DERA: variants seen among roughly 807,000 people sequenced by gnomAD.
DERA encodes 2-deoxy-D-ribose 5-phosphate aldolase.
Under a neutral mutation model 41.1 loss-of-function variants are expected in DERA, and 15 were observed. That is an observed-to-expected ratio of 0.37 (90% CI 0.24 to 0.56). The LOEUF is 0.56. Among genes scored for constraint, DERA ranks in the 20% least tolerant of loss-of-function variants. The pLI, the probability that DERA is intolerant of heterozygous loss-of-function variation, is 0.81. For missense variants in DERA, 396 were observed against 403.4 expected (o/e 0.98, Z 0.16); for synonymous variants, 139 against 137.4 (o/e 1.01, Z -0.08).
chr12:15,960,651 A>AAC (rs1555152833), intron 4 of DERA, among the ~76,000 whole-genome samples: 17 of 151,228 alleles, frequency 1.1e-4, no homozygotes, highest in South Asian at 8.3e-4. Flanking sequence ...AAAAAAAAAA[A>AAC]AAAAAAAAAA....
chr12:15,939,034 A>G (rs547163622), intron 1 of DERA, among the ~76,000 whole-genome samples: 1 of 152,336 alleles, frequency 6.6e-6, no homozygotes, highest in Admixed American at 6.5e-5. Flanking sequence ...CCAATGGAAT[A>G]TGGTAGAAGT....
chr12:15,965,029 T>C lies in DERA; in HGVS notation c.508+2082T>C, dbSNP rs1948613042. On this transcript the variant is annotated intron_variant, in intron 5 of 8. Transcript: ENST00000428559. The surrounding 1 kb of genome is among the most constrained non-coding windows in gnomAD (Gnocchi z 4.1). ...GAAAAGGAACATTTAATACTAGAAATTTAATTCTAAATAGAAACCTGAAAT... is the reference window on the plus strand; with the variant it reads ...GAAAAGGAACATTTAATACTAGAAACTTAATTCTAAATAGAAACCTGAAAT... Among the ~76,000 whole-genome samples the C allele has an allele frequency of 6.6e-6, 1 of 152,238 alleles. No homozygotes were observed.
chr12:16,007,069 A>G (rs770690721), intron 6 of DERA, among the ~76,000 whole-genome samples: 4 of 152,258 alleles, frequency 2.6e-5, no homozygotes, highest in Non-Finnish European at 5.9e-5. Context: ...AAATCTTTAA[A>G]TAAAAACCCA....
In DERA at chr12:15,996,157, ATGTG is replaced by A. The variant is rs34468299; in HGVS notation, c.637+13753_637+13756del. 0.01 allele frequency among the ~76,000 whole-genome samples: 1,500 copies of A among 144,952 alleles called. 10 individuals are homozygous for A. Among genetic ancestry groups the A allele is most frequent in the South Asian group, 0.019 (83 of 4,354 alleles). On this transcript the variant is annotated intron_variant, in intron 6 of 8. Coordinates refer to ENST00000428559, the MANE Select transcript of DERA (RefSeq NM_015954.4). This position sits in a 1 kb window ranked among gnomAD's most constrained non-coding sequence, Gnocchi z 4.7. ...GCAGACACAGACACACACACAGAGC[ATGTG>A]TGTGTGTGTGTGTGTGTGTGTGTGT...
chr12:15,999,916 T>G lies in DERA; in HGVS notation c.637+17480T>G, dbSNP rs1948863250. The stretch of plus-strand genomic sequence containing the variant: ...AGATTTTCATTTTAGGGACATAACC[T>G]TTGGGCAATGTGTTTAGGCTGGAGA... On this transcript the variant is annotated intron_variant, in intron 6 of 8. Transcript: ENST00000428559. This position sits in a 1 kb window ranked among gnomAD's most constrained non-coding sequence, Gnocchi z 5.3. Among the ~76,000 whole-genome samples the G allele has an allele frequency of 6.6e-6, 1 of 152,168 alleles. No individual in the cohort carries two copies. Among genetic ancestry groups the G allele is most frequent in the East Asian group, 1.9e-4 (1 of 5,192 alleles).
At position 15,999,913 on chromosome 12, in the gene DERA, A is replaced by G. The variant is rs2136172392; in HGVS notation, c.637+17477A>G. ...ATCAGATTTTCATTTTAGGGACATA[A>G]CCTTTGGGCAATGTGTTTAGGCTGG... is the stretch of plus-strand genomic sequence containing the variant. On this transcript the variant is annotated intron_variant, in intron 6 of 8. Transcript: ENST00000428559. This position sits in a 1 kb window ranked among gnomAD's most constrained non-coding sequence, Gnocchi z 5.3. Among the ~76,000 whole-genome samples the G allele has an allele frequency of 6.6e-6, 1 of 152,214 alleles. No individual in the cohort carries two copies. Among genetic ancestry groups the G allele is most frequent in the Non-Finnish European group, 1.5e-5 (1 of 68,014 alleles).
chr12:15,938,371 CA>C lies in DERA; in HGVS notation c.32-18564del, dbSNP rs1187966080. ...TCAAGAGAAAATAGTTCCATTCAAA[CA>C]GTAAAAAATTCATTCTAACACTAAA... On this transcript the variant is annotated intron_variant, in intron 1 of 8. Coordinates refer to ENST00000428559, the MANE Select transcript of DERA (RefSeq NM_015954.4). The surrounding 1 kb of genome is among the most constrained non-coding windows in gnomAD (Gnocchi z 4.1). Among the ~76,000 whole-genome samples the C allele has an allele frequency of 6.6e-6, 1 of 152,102 alleles. No individual in the cohort carries two copies. Among genetic ancestry groups the C allele is most frequent in the Non-Finnish European group, 1.5e-5 (1 of 68,002 alleles).
rs1243264129 is a variant in DERA at position 15,922,943 on chromosome 12, G to A, written c.31+11529G>A. Among the ~76,000 whole-genome samples, 1 of 151,970 alleles carries A rather than the reference G, an allele frequency of 6.6e-6. No individual in the cohort carries two copies. Among genetic ancestry groups the A allele is most frequent in the African/African-American group, 2.4e-5 (1 of 41,368 alleles). ...CATGTGTGGGGCAAAGCTTGTGTGG[G>A]AAATCTCTGTACCTTCTGTTCAGTT... is the stretch of plus-strand genomic sequence containing the variant. On this transcript the variant is annotated intron_variant, in intron 1 of 8. Transcript: ENST00000428559. The surrounding 1 kb of genome is among the most constrained non-coding windows in gnomAD (Gnocchi z 4.9).
In DERA at chr12:15,936,456, G is replaced by T. The variant is rs181221496; in HGVS notation, c.32-20480G>T. On this transcript the variant is annotated intron_variant, in intron 1 of 8. Coordinates refer to ENST00000428559, the MANE Select transcript of DERA (RefSeq NM_015954.4). This position sits in a 1 kb window ranked among gnomAD's most constrained non-coding sequence, Gnocchi z 4.6. Reference sequence around the variant, plus strand: ...CATTTTGGAAAACATTTTACTATATGATCTGGCCCTTGCCGCCCTCTCTTT... The same window carrying T: ...CATTTTGGAAAACATTTTACTATATTATCTGGCCCTTGCCGCCCTCTCTTT... Among the ~76,000 whole-genome samples the T allele has an allele frequency of 1.3e-5, 2 of 152,276 alleles. No homozygotes were observed. The highest frequency in any genetic ancestry group is 3.9e-4 in the East Asian group (2 of 5,174).
At chr12:15,917,865 G>A (rs977961060) in intron 1 of DERA, among the ~76,000 whole-genome samples, 2 of 152,116 alleles carry the variant, frequency 1.3e-5, no homozygotes, top group African/African-American at 4.8e-5. Flanking sequence ...AACGATATGA[G>A]AAGCCAAGAT....
chr12:15,940,824 T>G lies in DERA; in HGVS notation c.32-16112T>G, dbSNP rs538256052. On this transcript the variant is annotated intron_variant, in intron 1 of 8. Coordinates refer to ENST00000428559, the MANE Select transcript of DERA (RefSeq NM_015954.4). The surrounding 1 kb of genome is among the most constrained non-coding windows in gnomAD (Gnocchi z 5.1). ...AGGCATCCTAACATAACTACTAATT[T>G]TTTGAGGTAGATACCGATGCTTTTT... Among the ~76,000 whole-genome samples, 44 of 152,314 alleles carry G rather than the reference T, an allele frequency of 2.9e-4. 1 individual carries two copies. In the Middle Eastern group the frequency reaches 0.01, roughly 35 times the overall value.
Position 15,992,665 on chromosome 12 carries a change from T to C in DERA, c.637+10229T>C, listed in dbSNP as rs1948810020. Among the ~76,000 whole-genome samples the C allele has an allele frequency of 6.6e-6, 1 of 152,100 alleles. No individual in the cohort carries two copies. The highest frequency in any genetic ancestry group is 2.1e-4 in the South Asian group (1 of 4,820). On this transcript the variant is annotated intron_variant, in intron 6 of 8. Transcript: ENST00000428559. The surrounding 1 kb of genome is among the most constrained non-coding windows in gnomAD (Gnocchi z 4.3). ...CTTGAACAATCCAAGAACAAGATGA[T>C]AGGACATAAGATAGGGAAACATACT...
intron 1 of DERA, among the ~76,000 whole-genome samples, chr12:15,919,028 CAAT>C (rs1948222287): frequency 6.6e-6 from 1 of 152,008 alleles, no homozygotes; most frequent in African/African-American, 2.4e-5. Context: ...TACACAGAGT[CAAT>C]AATTATGTAC....
At chr12:15,962,738 TTCCCC>T in intron 4 of DERA, 70 bp from the exon 5 acceptor site, 2 of 1,358,010 alleles carry the variant, frequency 1.5e-6, no homozygotes, top group Non-Finnish European at 2.0e-6. Context: ...GAAATTTGTT[TTCCCC>T]TCCCCCCCTT....
Position 15,998,217 on chromosome 12 carries a change from T to C in DERA, c.637+15781T>C, listed in dbSNP as rs1365383178. On this transcript the variant is annotated intron_variant, in intron 6 of 8. Transcript: ENST00000428559. This position sits in a 1 kb window ranked among gnomAD's most constrained non-coding sequence, Gnocchi z 4.8. Reference sequence around the variant, plus strand: ...ATTCATACTTTGAGAAACATGCATTTTAAAACTTCTCCAGTTGCTTCTGCT... The same window carrying C: ...ATTCATACTTTGAGAAACATGCATTCTAAAACTTCTCCAGTTGCTTCTGCT... Among the ~76,000 whole-genome samples, 2 of 152,186 alleles carry C rather than the reference T, an allele frequency of 1.3e-5. No homozygotes were observed. Among genetic ancestry groups the C allele is most frequent in the African/African-American group, 2.4e-5 (1 of 41,440 alleles).
intron 5 of DERA, among the ~76,000 whole-genome samples, chr12:15,979,824 G>A (rs955022379): frequency 5.9e-5 from 9 of 152,274 alleles, no homozygotes; most frequent in East Asian, 1.9e-4. Context: ...TCTGGTTTTC[G>A]TGGTTAATTT....
intron 1 of DERA, among the ~76,000 whole-genome samples, chr12:15,923,484 A>G (rs1399815910): frequency 6.6e-6 from 1 of 152,170 alleles, no homozygotes; most frequent in Non-Finnish European, 1.5e-5. Context: ...TTCTCTGGCC[A>G]GCATAATCTT....
chr12:15,961,767 A>G (rs1199551319), intron 4 of DERA, among the ~76,000 whole-genome samples: 1 of 152,150 alleles, frequency 6.6e-6, no homozygotes, highest in South Asian at 2.1e-4. Flanking sequence ...TTTTTGAGAC[A>G]GAGTCTCGCT....
At position 16,014,222 on chromosome 12, in the gene DERA, G is replaced by A. The variant is rs1948175466; in HGVS notation, c.638-18320G>A. Among the ~76,000 whole-genome samples, 1 of 152,206 alleles carries A rather than the reference G, an allele frequency of 6.6e-6. No homozygotes were observed. The highest frequency in any genetic ancestry group is 2.1e-4 in the South Asian group (1 of 4,828). Reference sequence around the variant, plus strand: ...ATGCAGAAATTTGCATAAGTAACGAGGAGCCAAATGTTAATCACCAAGACA... The same window carrying A: ...ATGCAGAAATTTGCATAAGTAACGAAGAGCCAAATGTTAATCACCAAGACA... On this transcript the variant is annotated intron_variant, in intron 6 of 8. Transcript: ENST00000428559. This position sits in a 1 kb window ranked among gnomAD's most constrained non-coding sequence, Gnocchi z 5.4.
Sources: allele counts gnomAD v4.1 joint callset (sites outside exome capture counted in the v4.1 genomes callset), GRCh38; gene constraint gnomAD v4.1.1; non-coding constraint Gnocchi (gnomAD v3.1); transcripts MANE v1.5; gene names NCBI Gene and HGNC (gene_info 2026-07-23, HGNC 2026-07-21).